RBFOX1: variants seen among roughly 807,000 people sequenced by gnomAD.
The protein encoded by RBFOX1 is RNA binding fox-1 homolog 1, also known as RNA binding protein fox-1 homolog 1.
A neutral mutation model predicts 57.7 loss-of-function variants in RBFOX1; 8 were observed. That is an observed-to-expected ratio of 0.14 (90% confidence interval 0.08 to 0.25). RBFOX1 has a LOEUF of 0.25. Among genes scored for constraint, RBFOX1 ranks in the 10% least tolerant of loss-of-function variants. The pLI is 1.00. For synonymous variants in RBFOX1, 326 were observed against 222.4 expected (o/e 1.47, Z -4.15); for missense variants, 611 against 548.5 (o/e 1.11, Z -1.14).
chr16:6,710,925 G>A (rs1352497421), intron 3 of RBFOX1, among the ~76,000 whole-genome samples: 1 of 152,186 alleles, frequency 6.6e-6, no homozygotes, highest in Non-Finnish European at 1.5e-5. Context: ...GGGAGGGGAT[G>A]ATGGGCAAAT....
intron 2 of RBFOX1, among the ~76,000 whole-genome samples, chr16:6,368,153 C>T (rs972753063): frequency 6.6e-6 from 1 of 152,154 alleles, no homozygotes; most frequent in African/African-American, 2.4e-5. Context: ...GTTTTTCTCT[C>T]TGAGGTTTCA....
chr16:6,054,563 C>T (rs2095591611), intron 1 of RBFOX1, among the ~76,000 whole-genome samples: 1 of 152,146 alleles, frequency 6.6e-6, no homozygotes, highest in South Asian at 2.1e-4. Flanking sequence ...ACTGGGTTGA[C>T]ACCCTGACCA....
intron 1 of RBFOX1, among the ~76,000 whole-genome samples, chr16:5,323,060 C>G (rs921289603): frequency 3.3e-5 from 5 of 152,202 alleles, no homozygotes; most frequent in African/African-American, 9.7e-5. Flanking sequence ...CTCTCTGTGC[C>G]TCAGTTTCCT....
chr16:6,191,224 C>A (rs2097139839), intron 1 of RBFOX1, among the ~76,000 whole-genome samples: 1 of 147,974 alleles, frequency 6.8e-6, no homozygotes, highest in African/African-American at 2.5e-5. Context: ...GCAGTATTTT[C>A]AAGCGGTGTT....
chr16:7,272,811 T>G (rs1214666511), intron 4 of RBFOX1, among the ~76,000 whole-genome samples: 2 of 152,078 alleles, frequency 1.3e-5, no homozygotes, highest in Non-Finnish European at 2.9e-5. Context: ...GACTCTTGTT[T>G]TCTTTTAAAA....
chr16:7,071,138 C>A (rs974621397), intron 4 of RBFOX1, among the ~76,000 whole-genome samples: 1 of 152,152 alleles, frequency 6.6e-6, no homozygotes, highest in South Asian at 2.1e-4. Context: ...AGTGGAGCTT[C>A]TCGGCTGCTA....
chr16:6,746,718 T>C (rs1027040678), intron 3 of RBFOX1, among the ~76,000 whole-genome samples: 1 of 152,086 alleles, frequency 6.6e-6, no homozygotes, highest in East Asian at 1.9e-4. Flanking sequence ...TCCTTAACTA[T>C]TATTAATTAA....
intron 4 of RBFOX1, among the ~76,000 whole-genome samples, chr16:7,205,416 G>T (rs1466035427): frequency 6.6e-6 from 1 of 151,578 alleles, no homozygotes; most frequent in Admixed American, 6.6e-5. Context: ...TACTCGGGAG[G>T]CTAAGGCAGG....
intron 14 of RBFOX1, among the ~76,000 whole-genome samples, chr16:7,699,059 C>G (rs1222930891): frequency 6.6e-6 from 1 of 152,192 alleles, no homozygotes; most frequent in Non-Finnish European, 1.5e-5. Context: ...GTTTTGTCGC[C>G]TTCCCCTGCC....
intron 2 of RBFOX1, among the ~76,000 whole-genome samples, chr16:6,617,142 G>A (rs962906812): frequency 6.6e-6 from 1 of 152,010 alleles, no homozygotes; most frequent in African/African-American, 2.4e-5. Context: ...GTGGTACAAG[G>A]AGAGGTCCTC....
intron 3 of RBFOX1, among the ~76,000 whole-genome samples, chr16:6,965,136 G>A (rs147973210): frequency 3.3e-5 from 5 of 152,016 alleles, no homozygotes; most frequent in Admixed American, 6.6e-5. Flanking sequence ...CATGGTTCTC[G>A]GGGCCAAGGG....
intron 3 of RBFOX1, among the ~76,000 whole-genome samples, chr16:6,935,384 C>G (rs895125319): frequency 2.6e-5 from 4 of 152,174 alleles, no homozygotes; most frequent in Non-Finnish European, 5.9e-5. Context: ...GTAGCAGACA[C>G]AATACCATGT....
intron 4 of RBFOX1, among the ~76,000 whole-genome samples, chr16:7,234,765 A>C (rs1036659172): frequency 6.6e-6 from 1 of 151,780 alleles, no homozygotes; most frequent in African/African-American, 2.4e-5. Flanking sequence ...GAGAAGTCAG[A>C]AATGGGTAAT....
At chr16:6,091,578 C>T (rs2096174771) in intron 1 of RBFOX1, among the ~76,000 whole-genome samples, 1 of 152,134 alleles carries the variant, frequency 6.6e-6, no homozygotes, top group African/African-American at 2.4e-5. Flanking sequence ...GCCTGTAATC[C>T]CAGGACTTTT....
chr16:7,025,221 C>G (rs1347731655), intron 3 of RBFOX1, among the ~76,000 whole-genome samples: 1 of 152,128 alleles, frequency 6.6e-6, no homozygotes, highest in African/African-American at 2.4e-5. Context: ...TTACTCATGT[C>G]TCCCCTTTTT....
At chr16:7,197,617 G>A (rs934117257) in intron 4 of RBFOX1, among the ~76,000 whole-genome samples, 2 of 152,146 alleles carry the variant, frequency 1.3e-5, no homozygotes, top group Admixed American at 1.3e-4. Flanking sequence ...AAACAAAAAT[G>A]TGTACAGAAA....
At chr16:6,210,351 A>AAC (rs2097286477) in intron 1 of RBFOX1, among the ~76,000 whole-genome samples, 3 of 75,782 alleles carry the variant, frequency 4.0e-5, no homozygotes, top group Non-Finnish European at 7.0e-5. Context: ...AAAACAAAAA[A>AAC]AAAAAACACC....
intron 4 of RBFOX1, among the ~76,000 whole-genome samples, chr16:7,387,125 C>A (rs972281250): frequency 6.6e-6 from 1 of 152,050 alleles, no homozygotes; most frequent in South Asian, 2.1e-4. Flanking sequence ...TGGATATTAG[C>A]CCTTTGTCAG....
At chr16:6,682,045 C>T (rs916767638) in intron 3 of RBFOX1, among the ~76,000 whole-genome samples, 2 of 152,202 alleles carry the variant, frequency 1.3e-5, no homozygotes, top group Non-Finnish European at 1.5e-5. Flanking sequence ...ACTCTTTGCT[C>T]ATATCTACTG....
Sources: allele counts gnomAD v4.1 joint callset (sites outside exome capture counted in the v4.1 genomes callset), GRCh38; gene constraint gnomAD v4.1.1; transcripts MANE v1.5; gene names NCBI Gene and HGNC (gene_info 2026-07-23, HGNC 2026-07-21).